Variants in EPHA3 observed in about 807,000 individuals in gnomAD.
EPHA3 encodes the protein ephrin type-A receptor 3.
Under a neutral mutation model 107.1 loss-of-function variants are expected in EPHA3, and 42 were observed. That is an observed-to-expected ratio of 0.39 (90% confidence interval 0.31 to 0.51). The LOEUF (loss-of-function observed/expected upper bound fraction) is 0.51, where lower values mean the gene tolerates loss of function less well. Among genes scored for constraint, EPHA3 ranks in the 20% least tolerant of loss-of-function variants. The probability of loss-of-function intolerance (pLI) is 0.78; values close to 1 mark genes in which losing one functional copy is unlikely to be tolerated. For missense variants in EPHA3, 1,183 were observed against 1,211.2 expected (o/e 0.98, Z 0.35); for synonymous variants, 461 against 424.8 (o/e 1.09, Z -1.05).
intron 3 of EPHA3, among the ~76,000 whole-genome samples, chr3:89,261,592 A>G (rs1469784475): frequency 1.3e-5 from 2 of 152,114 alleles, no homozygotes; most frequent in East Asian, 1.9e-4. Flanking sequence ...TTTGTATATA[A>G]TAAGTGCTCA....
At chr3:89,199,273 C>T (rs1322704772) in intron 2 of EPHA3, among the ~76,000 whole-genome samples, 1 of 152,102 alleles carries the variant, frequency 6.6e-6, no homozygotes, top group Admixed American at 6.5e-5. Context: ...TAATGGTATA[C>T]TTCATCACGA....
At chr3:89,457,123 A>G (rs1289550351) in intron 15 of EPHA3, among the ~76,000 whole-genome samples, 1 of 152,162 alleles carries the variant, frequency 6.6e-6, no homozygotes, top group Admixed American at 6.5e-5. Context: ...TGAAATTGAA[A>G]TTTCTACAGG....
chr3:89,285,493 G>A (rs955840694), intron 3 of EPHA3, among the ~76,000 whole-genome samples: 3 of 152,140 alleles, frequency 2.0e-5, no homozygotes, highest in Non-Finnish European at 4.4e-5. Context: ...GCAAAGAAAT[G>A]TATAGAAAGT....
intron 8 of EPHA3, 63 bp from the exon 9 acceptor site, chr3:89,408,004 A>G: frequency 6.9e-7 from 1 of 1,447,712 alleles, no homozygotes; most frequent in Non-Finnish European, 9.6e-7. Context: ...GCACATTCTG[A>G]GCATAGGTAA....
Position 89,183,051 on chromosome 3 carries a change from A to G in EPHA3, c.154-26809A>G, listed in dbSNP as rs113361376. Among the ~76,000 whole-genome samples, 4 of 152,094 alleles carry G rather than the reference A, an allele frequency of 2.6e-5. 1 individual carries two copies. The highest frequency in any genetic ancestry group is 9.6e-5 in the African/African-American group (4 of 41,568). ...TGATTACAAATGTGATTTTAATTTG[A>G]GGACTCGGAGAGGTAATCCTTGAAG... is the stretch of plus-strand genomic sequence containing the variant. On this transcript the variant is annotated intron_variant, in intron 2 of 16. Coordinates refer to ENST00000336596, the MANE Select transcript of EPHA3 (RefSeq NM_005233.6).
At chr3:89,250,651 C>T (rs1435011757) in intron 3 of EPHA3, among the ~76,000 whole-genome samples, 4 of 152,210 alleles carry the variant, frequency 2.6e-5, no homozygotes, top group Non-Finnish European at 5.9e-5. Context: ...CTGAGTTCAA[C>T]AAACTGGATG....
chr3:89,400,982 C>T (rs551410876), intron 7 of EPHA3, among the ~76,000 whole-genome samples: 2 of 152,038 alleles, frequency 1.3e-5, no homozygotes, highest in Non-Finnish European at 2.9e-5. Flanking sequence ...CTGACCATTC[C>T]CATTTCCCAT....
intron 13 of EPHA3, among the ~76,000 whole-genome samples, chr3:89,446,148 A>G (rs1419444360): frequency 6.6e-6 from 1 of 152,210 alleles, no homozygotes; most frequent in Non-Finnish European, 1.5e-5. Flanking sequence ...GGTTACACAA[A>G]TAGACCACAT....
At chr3:89,166,618 T>C (rs574596548) in intron 2 of EPHA3, among the ~76,000 whole-genome samples, 27 of 152,190 alleles carry the variant, frequency 1.8e-4, no homozygotes, top group Non-Finnish European at 3.1e-4. Context: ...CATTTCTCCC[T>C]TTCTCTCCCA....
intron 16 of EPHA3, among the ~76,000 whole-genome samples, chr3:89,478,480 G>A (rs1214506106): frequency 6.6e-6 from 1 of 152,178 alleles, no homozygotes; most frequent in Non-Finnish European, 1.5e-5. Flanking sequence ...GGTGTGGAGG[G>A]CTGGAGATGC....
rs189435199 is a variant in EPHA3, at chr3:89,188,396, A to C, written c.154-21464A>C. 7.2e-5 allele frequency among the ~76,000 whole-genome samples: 11 copies of C among 152,280 alleles called. No homozygotes were observed. The East Asian group carries it at 1.9e-3, about 27-fold the overall frequency. On this transcript the variant is annotated intron_variant, in intron 2 of 16. Coordinates refer to ENST00000336596, the MANE Select transcript of EPHA3 (RefSeq NM_005233.6). ...TTTTCATCATCGACTTTTATTCAGA[A>C]ACTTCTTCATTTGGTGTCAGCATAC...
intron 2 of EPHA3, among the ~76,000 whole-genome samples, chr3:89,189,737 C>T (rs1359100987): frequency 6.6e-6 from 1 of 152,166 alleles, no homozygotes; most frequent in Non-Finnish European, 1.5e-5. Context: ...AAACAGAACC[C>T]TTGCTTTCAT....
chr3:89,149,603 T>C (rs954447420), intron 2 of EPHA3, among the ~76,000 whole-genome samples: 7 of 151,764 alleles, frequency 4.6e-5, no homozygotes, highest in East Asian at 1.9e-4. Flanking sequence ...CATTTAACAT[T>C]AGGTATATTT....
At chr3:89,435,548 G>GTA (rs911319719) in intron 13 of EPHA3, among the ~76,000 whole-genome samples, 9 of 139,230 alleles carry the variant, frequency 6.5e-5, no homozygotes, top group Admixed American at 5.1e-4. Flanking sequence ...TCTATATAAA[G>GTA]TATATATATA....
intron 3 of EPHA3, among the ~76,000 whole-genome samples, chr3:89,273,091 A>T (rs1253921241): frequency 6.6e-6 from 1 of 151,946 alleles, no homozygotes; most frequent in Non-Finnish European, 1.5e-5. Context: ...AATTTTCAAC[A>T]TTTTAAAGTA....
intron 3 of EPHA3, among the ~76,000 whole-genome samples, chr3:89,326,785 A>G (rs1328674952): frequency 2.6e-5 from 4 of 152,032 alleles, no homozygotes; most frequent in African/African-American, 4.8e-5. Flanking sequence ...GCATTTCTGT[A>G]TTTAGCACCT....
chr3:89,135,509 TTTTTGTTTTG>T (rs1218379939), intron 2 of EPHA3, among the ~76,000 whole-genome samples: 2 of 152,104 alleles, frequency 1.3e-5, no homozygotes, highest in Non-Finnish European at 2.9e-5. Context: ...CTAACAACGA[TTTTTGTTTTG>T]TTTTGTTTTT....
chr3:89,380,975 G>T (rs377369241), intron 5 of EPHA3, among the ~76,000 whole-genome samples: 1,833 of 150,842 alleles, frequency 0.012, 49 homozygotes, highest in African/African-American at 0.043. Context: ...TAGGCTGTTT[G>T]TTTGTTTCTT....
intron 3 of EPHA3, among the ~76,000 whole-genome samples, chr3:89,334,549 T>C (rs1384050545): frequency 6.6e-6 from 1 of 152,198 alleles, no homozygotes; most frequent in Non-Finnish European, 1.5e-5. Context: ...ATTTTTTAAA[T>C]GAGGAAATTG....
Sources: gnomAD v4.1 joint callset for allele counts (sites outside exome capture counted in the v4.1 genomes callset) on GRCh38, gnomAD v4.1.1 for gene constraint, MANE v1.5 for transcripts, NCBI Gene and HGNC (gene_info 2026-07-23, HGNC 2026-07-21) for gene names.